The following RNF207 variants were observed in gnomAD, a reference collection of about 807,000 sequenced individuals.
RNF207 encodes OTTHUMG00000001089.
In RNF207, 72 loss-of-function variants were observed where a neutral mutation model predicts 79.0. That is an observed-to-expected ratio of 0.91 (90% confidence interval 0.75 to 1.11). The LOEUF (loss-of-function observed/expected upper bound fraction) is 1.11, where lower values mean the gene tolerates loss of function less well. Among genes scored for constraint, RNF207 ranks in the 50% least tolerant of loss-of-function variants. The probability of loss-of-function intolerance (pLI) is 0.00; values close to 1 mark genes in which losing one functional copy is unlikely to be tolerated. For missense variants in RNF207, 936 were observed against 855.8 expected, an observed-to-expected ratio of 1.09 and a Z score of -1.17; for synonymous variants, 348 against 366.2, an observed-to-expected ratio of 0.95 and a Z score of 0.57.
chr1:6,207,516 G>T lies in RNF207; in HGVS notation c.324+5G>T. ...GACCTGGAGTGCAGCGAGCAGGCAG[G>T]GGCGGCAGGGCGGGTGGGTGAGGAG... On this transcript the variant is annotated splice_donor_5th_base_variant and intron_variant, in intron 3 of 17. Transcript: ENST00000377939. The surrounding 1 kb of genome is among the most constrained non-coding windows in gnomAD (Gnocchi z 4.5). 6.3e-7 allele frequency: 1 copy of T among 1,595,492 alleles called. No individual in the cohort carries two copies. The highest frequency in any genetic ancestry group is 8.5e-7 in the Non-Finnish European group (1 of 1,172,564).
Position 6,211,838 on chromosome 1 carries a change from C to A in RNF207, c.1110-29C>A, listed in dbSNP as rs115140602. ...GGGGGAGGGGCAGACTTCCCCACCCCCCTGCATCCACACTGGCTCTCTCCC... is the reference window on the plus strand; with the variant it reads ...GGGGGAGGGGCAGACTTCCCCACCCACCTGCATCCACACTGGCTCTCTCCC... On this transcript the variant is annotated intron_variant, in intron 12 of 17. Transcript: ENST00000377939. This position sits in a 1 kb window ranked among gnomAD's most constrained non-coding sequence, Gnocchi z 4.2. The A allele has an allele frequency of 9.2e-6, 14 of 1,527,552 alleles. No individual in the cohort carries two copies. In the Middle Eastern group the frequency reaches 1.4e-3, roughly 150 times the overall value. The allele number at this position is 1,527,552 out of a possible 1,614,324, so 94.6% of individuals were successfully genotyped here.
rs922076891 is a variant in RNF207 at position 6,206,300 on chromosome 1, CG to C, written c.-1+1del. On this transcript the variant is annotated splice_region_variant and 5_prime_UTR_variant, in exon 1 of 18. Transcript: ENST00000377939. Reference sequence around the variant, plus strand: ...GGTAGCTCCCAGCAAAGCGGCCCAGCGGGTAGGTACAAGGCCCCGCCCCTCG... The same window carrying C: ...GGTAGCTCCCAGCAAAGCGGCCCAGCGGTAGGTACAAGGCCCCGCCCCTCG... 3 of 464,010 alleles carry C rather than the reference CG, an allele frequency of 6.5e-6. No homozygotes were observed. The highest frequency in any genetic ancestry group is 6.2e-5 in the African/African-American group (3 of 48,472). 28.7% of individuals were successfully genotyped at this position (464,010 alleles called of 1,614,324 possible). A position where few individuals can be genotyped will look rare whatever the true frequency, so the allele number is the denominator to read the frequency against.
chr1:6,209,991 C>T, intron 8 of RNF207, 21 bp downstream of exon 8: 5 of 1,565,904 alleles, frequency 3.2e-6, no homozygotes, highest in Non-Finnish European at 4.3e-6. Context: ...GGGAGCGGGG[C>T]TTGCTTCCCT....
At chr1:6,218,947 C>T (rs943564116) in intron 17 of RNF207, among the ~76,000 whole-genome samples, 1 of 152,204 alleles carries the variant, frequency 6.6e-6, no homozygotes, top group African/African-American at 2.4e-5. Context: ...CCAGCCTCCC[C>T]TGCACAGCCG....
Position 6,209,912 on chromosome 1 carries a change from C to T in RNF207, c.754-12C>T, listed in dbSNP as rs374484802. On this transcript the variant is annotated splice_polypyrimidine_tract_variant and intron_variant, in intron 7 of 17. Coordinates refer to ENST00000377939, the MANE Select transcript of RNF207 (RefSeq NM_207396.3). The stretch of plus-strand genomic sequence containing the variant: ...GGGCGCAAATCAAGAGCATGCTCGC[C>T]ATCTCTCCCAGGACAGGCTGGCAGA... 7.6e-6 allele frequency: 12 copies of T among 1,575,724 alleles called. No homozygotes were observed. The South Asian group carries it at 1.0e-4, about 14-fold the overall frequency.
At position 6,211,804 on chromosome 1, in the gene RNF207, TG is replaced by T; in HGVS notation, c.1110-60del. ...CCCGGAGCAGTCCAGGGGGCTGCCC[TG>T]GGAGGCTGGGGGAGGGGCAGACTTC... On this transcript the variant is annotated intron_variant, in intron 12 of 17. Coordinates refer to ENST00000377939, the MANE Select transcript of RNF207 (RefSeq NM_207396.3). This position sits in a 1 kb window ranked among gnomAD's most constrained non-coding sequence, Gnocchi z 4.2. 7.8e-7 allele frequency: 1 copy of T among 1,276,010 alleles called. No homozygotes were observed. Among genetic ancestry groups the T allele is most frequent in the Non-Finnish European group, 1.1e-6 (1 of 911,228 alleles). 79.0% of individuals were successfully genotyped at this position (1,276,010 alleles called of 1,614,324 possible). A position where few individuals can be genotyped will look rare whatever the true frequency, so the allele number is the denominator to read the frequency against.
chr1:6,209,493 C>T lies in RNF207; in HGVS notation c.707C>T (p.Ala236Val). The T allele has an allele frequency of 6.8e-7, 1 of 1,478,748 alleles. No homozygotes were observed. The highest frequency in any genetic ancestry group is 8.9e-7 in the Non-Finnish European group (1 of 1,123,482). The allele number at this position is 1,478,748 out of a possible 1,614,324, so 91.6% of individuals were successfully genotyped here. A position where few individuals can be genotyped will look rare whatever the true frequency, so the allele number is the denominator to read the frequency against. Residue 236 changes from alanine (A) to valine (V), a missense_variant, in exon 7 of 18, where the codon GCC becomes GTC. Physicochemically the swap from Ala to Val is moderately conservative, Grantham distance 64. Transcript: ENST00000377939. ...ATGGTGGAGGAGGTGCGGCACAGCGCCGCCGAGGAGGAGGACGCTATCCAC... is the reference window on the plus strand; with the variant it reads ...ATGGTGGAGGAGGTGCGGCACAGCGTCGCCGAGGAGGAGGACGCTATCCAC... ...QAMVEEVRHSAAEEEDAIHAL... is the reference protein window; with the variant it reads ...QAMVEEVRHSVAEEEDAIHAL...
At position 6,206,570 on chromosome 1, in the gene RNF207, C is replaced by G; in HGVS notation, c.35C>G (p.Pro12Arg). 6.3e-7 allele frequency: 1 copy of G among 1,598,432 alleles called. No homozygotes were observed. Among genetic ancestry groups the G allele is most frequent in the Non-Finnish European group, 8.5e-7 (1 of 1,178,384 alleles). The change falls in exon 2 of 18, where the codon CCG (proline) becomes CGG (arginine). Residue 12 changes from proline to arginine, a missense_variant. By Grantham distance (103) the Pro-to-Arg change is moderately radical. Coordinates refer to ENST00000377939, the MANE Select transcript of RNF207 (RefSeq NM_207396.3). ...GCTATCTTCGGGCCCCTGGAGGGCCCGAGCTCCCTGGATGCCCCGAGCATC... is the reference window on the plus strand; with the variant it reads ...GCTATCTTCGGGCCCCTGGAGGGCCGGAGCTCCCTGGATGCCCCGAGCATC... ...SGAIFGPLEG[P>R]SSLDAPSIHP... is the part of the protein sequence containing the mutation.
At chr1:6,218,478 C>T (rs1224024863) in intron 17 of RNF207, 109 bp downstream of exon 17, 2 of 740,912 alleles carry the variant, frequency 2.7e-6, no homozygotes, top group African/African-American at 3.6e-5. Flanking sequence ...GCTCTGGGGC[C>T]CTGGCTGGGC....
At chr1:6,212,773 G>A (rs2100937586) in intron 15 of RNF207, 40 bp downstream of exon 15, 1 of 1,537,334 alleles carries the variant, frequency 6.5e-7, no homozygotes, top group Non-Finnish European at 9.0e-7. Flanking sequence ...CTCTGTCCCT[G>A]AGCTAACCCA....
At position 6,209,017 on chromosome 1, in the gene RNF207, A is replaced by G. The variant is rs1350834623; in HGVS notation, c.461A>G (p.Gln154Arg). Residue 154 changes from glutamine to arginine, a missense_variant, in exon 4 of 18, where the codon CAG (glutamine) becomes CGG (arginine). Physicochemically the swap from Gln to Arg is conservative, Grantham distance 43. Transcript: ENST00000377939. ...GGTCAGCGAAGCCGCGACGTGCCCCAGAAGTGCAGTGAGTGAGGCTTGCGG... is the reference window on the plus strand; with the variant it reads ...GGTCAGCGAAGCCGCGACGTGCCCCGGAAGTGCAGTGAGTGAGGCTTGCGG... ...ALGQRSRDVP[Q>R]KCTLHAEPYL... 2.1e-6 allele frequency: 3 copies of G among 1,397,870 alleles called. No homozygotes were observed. Among genetic ancestry groups the G allele is most frequent in the Non-Finnish European group, 2.8e-6 (3 of 1,055,472 alleles). 86.6% of individuals were successfully genotyped at this position (1,397,870 alleles called of 1,614,324 possible). A position where few individuals can be genotyped will look rare whatever the true frequency, so the allele number is the denominator to read the frequency against.
In RNF207 at chr1:6,209,985, G is replaced by A. The variant is rs201624594; in HGVS notation, c.800+15G>A. Reference sequence around the variant, plus strand: ...GCTGTGCAGAGGTGAGTTGGGGGGAGCGGGGCTTGCTTCCCTTACCCCTTG... The same window carrying A: ...GCTGTGCAGAGGTGAGTTGGGGGGAACGGGGCTTGCTTCCCTTACCCCTTG... On this transcript the variant is annotated intron_variant, in intron 8 of 17. Coordinates refer to ENST00000377939, the MANE Select transcript of RNF207 (RefSeq NM_207396.3). The A allele has an allele frequency of 5.8e-4, 906 of 1,572,306 alleles. 2 individuals are homozygous for A. Among genetic ancestry groups the A allele is most frequent in the Admixed American group, 1.6e-3 (87 of 53,928 alleles).
Position 6,211,847 on chromosome 1 carries a change from C to T in RNF207, c.1110-20C>T. Reference sequence around the variant, plus strand: ...GCAGACTTCCCCACCCCCCTGCATCCACACTGGCTCTCTCCCCAGGCTGGC... The same window carrying T: ...GCAGACTTCCCCACCCCCCTGCATCTACACTGGCTCTCTCCCCAGGCTGGC... On this transcript the variant is annotated intron_variant, in intron 12 of 17. Coordinates refer to ENST00000377939, the MANE Select transcript of RNF207 (RefSeq NM_207396.3). The surrounding 1 kb of genome is among the most constrained non-coding windows in gnomAD (Gnocchi z 4.2). 1 of 1,541,210 alleles carries T rather than the reference C, an allele frequency of 6.5e-7. No individual in the cohort carries two copies. The highest frequency in any genetic ancestry group is 8.8e-7 in the Non-Finnish European group (1 of 1,141,590).
rs946909070 is a variant in RNF207, at chr1:6,212,021, G to C, written c.1264G>C (p.Glu422Gln). The C allele has an allele frequency of 6.3e-7, 1 of 1,594,540 alleles. No individual in the cohort carries two copies. The highest frequency in any genetic ancestry group is 8.5e-7 in the Non-Finnish European group (1 of 1,171,698). ...GGAGGGCGAGAACACGCCCTTCGCA[G>C]AGCACTGCCGCCACTATGAGGACTC... ...LAEGENTPFA[E>Q]HCRHYEDSYR... is the part of the protein sequence containing the mutation. The change falls in exon 13 of 18, where the codon GAG becomes CAG. Residue 422 changes from glutamate to glutamine, a missense_variant. Glu to Gln is a conservative substitution (Grantham distance 29, BLOSUM62 2). Transcript: ENST00000377939.
intron 17 of RNF207, 126 bp from the exon 18 acceptor site, chr1:6,219,110 G>A: frequency 1.3e-6 from 1 of 762,806 alleles, no homozygotes; most frequent in South Asian, 2.5e-5. Context: ...AGCCTTCCTG[G>A]TTCTCACTCA....
chr1:6,206,466 C>T (rs1338391706), intron 1 of RNF207, 70 bp from the exon 2 acceptor site: 1 of 1,234,054 alleles, frequency 8.1e-7, no homozygotes. Flanking sequence ...GGCGCCCGGG[C>T]AGAGGGGCCG....
chr1:6,209,820 G>A (rs900275914), intron 7 of RNF207, 104 bp from the exon 8 acceptor site: 3 of 1,251,654 alleles, frequency 2.4e-6, no homozygotes, highest in Non-Finnish European at 2.2e-6. Context: ...AGGTTGGAGA[G>A]ATACCTAGTG....
In RNF207 at chr1:6,218,298, A is replaced by G. The variant is rs1408408898; in HGVS notation, c.1662A>G (p.Ala554=). The part of the protein sequence containing the change: ...VKERLEPRFQ[A]PVDEQSESLQ... The stretch of plus-strand genomic sequence containing the variant: ...CCCACTCCCTTGCCAGGTTTCAGGC[A>G]CCCGTGGATGAGCAGTCAGAGAGTC... The change falls in exon 17 of 18, where the codon GCA becomes GCG. Residue 554 remains alanine, a synonymous_variant. Coordinates refer to ENST00000377939, the MANE Select transcript of RNF207 (RefSeq NM_207396.3). 1 of 1,613,816 alleles carries G rather than the reference A, an allele frequency of 6.2e-7. No individual in the cohort carries two copies. Among genetic ancestry groups the G allele is most frequent in the Non-Finnish European group, 8.5e-7 (1 of 1,179,708 alleles).
chr1:6,208,541 A>C, intron 3 of RNF207: 1 of 287,842 alleles, frequency 3.5e-6, no homozygotes, highest in Non-Finnish European at 6.5e-6. Flanking sequence ...TCCTGACCTC[A>C]GGTGATCCGC....
Sources: gnomAD v4.1 joint callset for allele counts (sites outside exome capture counted in the v4.1 genomes callset) on GRCh38, gnomAD v4.1.1 for gene constraint, Gnocchi (gnomAD v3.1) non-coding constraint, MANE v1.5 for transcripts, NCBI Gene and HGNC (gene_info 2026-07-23, HGNC 2026-07-21) for gene names.